The following KCTD8 variants were observed in gnomAD, a reference collection of about 807,000 sequenced individuals.
The protein encoded by KCTD8 is potassium channel tetramerization domain containing 8, also known as BTB/POZ domain-containing protein KCTD8.
Under a neutral mutation model 31.5 loss-of-function variants are expected in KCTD8, and 27 were observed. The observed-to-expected ratio is 0.86, with a 90% CI of 0.63 to 1.18. The LOEUF is 1.18. Among genes scored for constraint, KCTD8 ranks in the 50% most tolerant of loss-of-function variants. The pLI is 0.00. For synonymous variants in KCTD8, 290 were observed against 280.0 expected (o/e 1.04, Z -0.36); for missense variants, 658 against 647.7 (o/e 1.02, Z -0.17).
At chr4:44,420,103 C>A (rs534757388) in intron 1 of KCTD8, among the ~76,000 whole-genome samples, 1 of 151,378 alleles carries the variant, frequency 6.6e-6, no homozygotes, top group Admixed American at 6.6e-5. Flanking sequence ...AAGAAAAATC[C>A]ACCAGTTGAA....
chr4:44,448,007 T>C lies in KCTD8; in HGVS notation c.517A>G (p.Ser173Gly). The change falls in exon 1 of 2, where the codon AGC becomes GGC. Residue 173 changes from serine (S) to glycine (G), a missense_variant. By Grantham distance (56) the Ser-to-Gly change is moderately conservative. Coordinates refer to ENST00000360029, the MANE Select transcript of KCTD8 (RefSeq NM_198353.3). This position sits in a 1 kb window ranked among gnomAD's most constrained non-coding sequence, Gnocchi z 4.1. Reference protein sequence around the residue: ...SDLEDNVSQGSSDALLLRGAA... With the variant: ...SDLEDNVSQGGSDALLLRGAA... ...CCGCGCAGCAGCAGCGCGTCGCTGC[T>C]ACCCTGCGAGACGTTGTCCTCCAGG... 1 of 1,590,350 alleles carries C rather than the reference T, an allele frequency of 6.3e-7. No homozygotes were observed. The highest frequency in any genetic ancestry group is 8.6e-7 in the Non-Finnish European group (1 of 1,168,482).
intron 1 of KCTD8, among the ~76,000 whole-genome samples, chr4:44,372,810 C>T (rs1422329260): frequency 6.6e-6 from 1 of 152,124 alleles, no homozygotes. Flanking sequence ...TTTTAAAAAC[C>T]TGGGACACGA....
chr4:44,394,032 G>A (rs1289890243), intron 1 of KCTD8, among the ~76,000 whole-genome samples: 1 of 151,944 alleles, frequency 6.6e-6, no homozygotes, highest in Non-Finnish European at 1.5e-5. Flanking sequence ...CATTCATTCT[G>A]TGTGCTTAGT....
intron 1 of KCTD8, among the ~76,000 whole-genome samples, chr4:44,250,380 G>A (rs1577575147): frequency 6.6e-6 from 1 of 151,760 alleles, no homozygotes; most frequent in African/African-American, 2.4e-5. Flanking sequence ...TTAGGTTTAG[G>A]GAGTGTTTAC....
chr4:44,205,164 A>C (rs1034798060), intron 1 of KCTD8, among the ~76,000 whole-genome samples: 1 of 152,176 alleles, frequency 6.6e-6, no homozygotes, highest in African/African-American at 2.4e-5. Flanking sequence ...TAACTTGACA[A>C]ACTGATCCTA....
chr4:44,425,732 T>A (rs951200926), intron 1 of KCTD8, among the ~76,000 whole-genome samples: 2 of 151,984 alleles, frequency 1.3e-5, no homozygotes, highest in African/African-American at 4.8e-5. Context: ...TAGAGGGAGC[T>A]ATAGATTTGA....
intron 1 of KCTD8, among the ~76,000 whole-genome samples, chr4:44,269,792 G>T (rs1716522736): frequency 6.6e-6 from 1 of 152,076 alleles, no homozygotes; most frequent in Admixed American, 6.6e-5. Flanking sequence ...ATGAAAAAAT[G>T]CTCACCATCA....
At chr4:44,304,587 C>G (rs1717744750) in intron 1 of KCTD8, among the ~76,000 whole-genome samples, 1 of 152,040 alleles carries the variant, frequency 6.6e-6, no homozygotes, top group Admixed American at 6.6e-5. Context: ...TTTTGTTGTA[C>G]TGTATTAAGT....
intron 1 of KCTD8, among the ~76,000 whole-genome samples, chr4:44,323,535 T>C (rs1443802408): frequency 1.2e-5 from 1 of 82,362 alleles, no homozygotes; most frequent in African/African-American, 5.3e-5. Flanking sequence ...TTAAAAAAAA[T>C]AGTGTTCAGG....
intron 1 of KCTD8, among the ~76,000 whole-genome samples, chr4:44,301,126 T>G (rs1046845477): frequency 3.3e-5 from 5 of 152,130 alleles, no homozygotes; most frequent in African/African-American, 1.2e-4. Flanking sequence ...TTGTTGGACA[T>G]TTGGGTTGGT....
intron 1 of KCTD8, among the ~76,000 whole-genome samples, chr4:44,177,245 T>C (rs1206212570): frequency 2.0e-5 from 3 of 151,940 alleles, no homozygotes; most frequent in East Asian, 1.9e-4. Context: ...ATGGATTCAG[T>C]CAACAGCAAA....
chr4:44,256,000 T>A (rs759412262), intron 1 of KCTD8, among the ~76,000 whole-genome samples: 8 of 151,934 alleles, frequency 5.3e-5, no homozygotes, highest in Non-Finnish European at 1.2e-4. Context: ...CAGTTCCACA[T>A]GGCTGGGGAG....
intron 1 of KCTD8, among the ~76,000 whole-genome samples, chr4:44,358,088 T>C (rs1433705294): frequency 6.6e-6 from 1 of 151,780 alleles, no homozygotes; most frequent in East Asian, 1.9e-4. Context: ...GATGTTTCCT[T>C]CCCTGTGTCC....
intron 1 of KCTD8, among the ~76,000 whole-genome samples, chr4:44,269,202 A>G (rs1361412064): frequency 3.3e-5 from 5 of 152,222 alleles, no homozygotes; most frequent in Non-Finnish European, 5.9e-5. Flanking sequence ...GATATGATCA[A>G]TGGAACAGAA....
At chr4:44,238,258 G>C (rs150342221) in intron 1 of KCTD8, among the ~76,000 whole-genome samples, 2 of 151,976 alleles carry the variant, frequency 1.3e-5, no homozygotes, top group East Asian at 3.9e-4. Context: ...TACTCCCTAA[G>C]GGAAGCTGCC....
At chr4:44,415,644 G>A (rs1721062309) in intron 1 of KCTD8, among the ~76,000 whole-genome samples, 1 of 152,158 alleles carries the variant, frequency 6.6e-6, no homozygotes, top group South Asian at 2.1e-4. Flanking sequence ...GGACATCAAG[G>A]TACAATTTGG....
chr4:44,361,174 T>C (rs1577636219), intron 1 of KCTD8, among the ~76,000 whole-genome samples: 1 of 151,432 alleles, frequency 6.6e-6, no homozygotes, highest in East Asian at 2.0e-4. Context: ...AAGATCCTTA[T>C]TTTACAGGAG....
intron 1 of KCTD8, among the ~76,000 whole-genome samples, chr4:44,242,375 G>A (rs954639550): frequency 2.0e-5 from 3 of 151,914 alleles, no homozygotes; most frequent in Non-Finnish European, 4.4e-5. Flanking sequence ...TCAGGAGATC[G>A]AGACCATCCT....
Position 44,220,165 on chromosome 4 carries a change from A to G in KCTD8, c.962-44915T>C, listed in dbSNP as rs114994887. On this transcript the variant is annotated intron_variant, in intron 1 of 1. Coordinates refer to ENST00000360029, the MANE Select transcript of KCTD8 (RefSeq NM_198353.3). ...AGGTGACTACCATGTAGAGGTCTAC[A>G]GAAAAATGGGATAGCTCAGGGTTTC... Among the ~76,000 whole-genome samples the G allele has an allele frequency of 8.7e-3, 1,321 of 152,320 alleles. 18 individuals are homozygous for G. Among genetic ancestry groups the G allele is most frequent in the African/African-American group, 0.03 (1,255 of 41,568 alleles).
Sources: allele counts gnomAD v4.1 joint callset (sites outside exome capture counted in the v4.1 genomes callset), GRCh38; gene constraint gnomAD v4.1.1; non-coding constraint Gnocchi (gnomAD v3.1); transcripts MANE v1.5; gene names NCBI Gene and HGNC (gene_info 2026-07-23, HGNC 2026-07-21).